Variants in RANBP17 observed in about 807,000 individuals in gnomAD.
The protein encoded by RANBP17 is ran-binding protein 17.
In RANBP17, 158 loss-of-function variants were observed where a neutral mutation model predicts 141.2. That is an observed-to-expected ratio of 1.12 (90% CI 0.98 to 1.28). The LOEUF is 1.28. RANBP17 is among the 50% of genes most tolerant of loss of function. The pLI, the probability that RANBP17 is intolerant of heterozygous loss-of-function variation, is 0.00. For synonymous variants in RANBP17, 430 were observed against 450.0 expected (o/e 0.96, Z 0.56); for missense variants, 1,438 against 1,290.7 (o/e 1.11, Z -1.75).
In RANBP17 at chr5:171,199,691, A is replaced by C. The variant is rs1331863665; in HGVS notation, c.2060A>C (p.Glu687Ala). 1.2e-6 allele frequency: 2 copies of C among 1,609,062 alleles called. No homozygotes were observed. Among genetic ancestry groups the C allele is most frequent in the South Asian group, 2.2e-5 (2 of 90,226 alleles). The change falls in exon 19 of 28, where the codon GAG (glutamate) becomes GCG (alanine). Residue 687 changes from glutamate (E) to alanine (A), a missense_variant. Transcript: ENST00000523189. ...VDLGEDEDEF[E>A]NFMLPLTVAF... ...ATAGGTGAAGATGAGGATGAATTTGAGAATTTCATGCTGCCTCTTACAGTT... is the reference window on the plus strand; with the variant it reads ...ATAGGTGAAGATGAGGATGAATTTGCGAATTTCATGCTGCCTCTTACAGTT...
chr5:170,925,729 G>GT (rs1454190907), intron 12 of RANBP17, among the ~76,000 whole-genome samples: 1 of 152,010 alleles, frequency 6.6e-6, no homozygotes, highest in Non-Finnish European at 1.5e-5. Context: ...ATTACCACAT[G>GT]TGTATGCATT....
rs376028120 is a variant in RANBP17 at position 170,876,081 on chromosome 5, C to T, written c.19-2016C>T. Among the ~76,000 whole-genome samples, 5 of 152,292 alleles carry T rather than the reference C, an allele frequency of 3.3e-5. No homozygotes were observed. In the East Asian group the frequency reaches 7.7e-4, roughly 24 times the overall value. On this transcript the variant is annotated intron_variant, in intron 1 of 27. Coordinates refer to ENST00000523189, the MANE Select transcript of RANBP17 (RefSeq NM_022897.5). ...TCACTCCTGCACCTGGAGATGTCAC[C>T]TGAGGAGGCTGGAGAACGGCAGAGA...
chr5:170,902,129 T>G (rs938271641), intron 5 of RANBP17, among the ~76,000 whole-genome samples: 3 of 152,202 alleles, frequency 2.0e-5, no homozygotes, highest in African/African-American at 7.2e-5. Context: ...CCAACTTGGT[T>G]CCATTCTCCC....
chr5:170,968,191 TTCTC>T, intron 13 of RANBP17, 47 bp from the exon 14 acceptor site: 1 of 1,310,376 alleles, frequency 7.6e-7, no homozygotes, highest in Non-Finnish European at 1.0e-6. Flanking sequence ...TTAATGTTGT[TTCTC>T]TAAGGTTTTG....
At chr5:171,289,770 C>T (rs1768375470) in intron 25 of RANBP17, among the ~76,000 whole-genome samples, 1 of 152,116 alleles carries the variant, frequency 6.6e-6, no homozygotes, top group South Asian at 2.1e-4. Flanking sequence ...TGGCTCACGC[C>T]TGTAATCCCA....
intron 18 of RANBP17, among the ~76,000 whole-genome samples, chr5:171,195,836 C>T (rs1427077155): frequency 6.6e-6 from 1 of 152,160 alleles, no homozygotes; most frequent in Non-Finnish European, 1.5e-5. Flanking sequence ...AATCGTACAA[C>T]TTCATGAGAT....
chr5:171,014,000 A>G (rs1780258634), intron 14 of RANBP17, among the ~76,000 whole-genome samples: 2 of 152,180 alleles, frequency 1.3e-5, no homozygotes, highest in South Asian at 2.1e-4. Flanking sequence ...TTCACTTTAT[A>G]TATTTTGAAA....
At chr5:171,129,905 A>G (rs1024711448) in intron 14 of RANBP17, among the ~76,000 whole-genome samples, 8 of 152,188 alleles carry the variant, frequency 5.3e-5, no homozygotes, top group African/African-American at 1.9e-4. Context: ...AATCATATGA[A>G]TAGTATTAGA....
intron 14 of RANBP17, among the ~76,000 whole-genome samples, chr5:171,090,488 A>G (rs1786165939): frequency 6.6e-6 from 1 of 152,202 alleles, no homozygotes; most frequent in South Asian, 2.1e-4. Flanking sequence ...TTGCAGCCTG[A>G]CAATGTGTTA....
chr5:171,234,077 C>A lies in RANBP17; in HGVS notation c.2423-6851C>A, dbSNP rs376631276. 3.3e-5 allele frequency among the ~76,000 whole-genome samples: 5 copies of A among 151,710 alleles called. No individual in the cohort carries two copies. In the East Asian group the frequency reaches 5.8e-4, roughly 18 times the overall value. Reference sequence around the variant, plus strand: ...TAAAAAAAAAAAAAAAATACACACACACATCTTAAGTACCAGGGATTTAGG... The same window carrying A: ...TAAAAAAAAAAAAAAAATACACACAAACATCTTAAGTACCAGGGATTTAGG... On this transcript the variant is annotated intron_variant, in intron 22 of 27. Transcript: ENST00000523189.
intron 25 of RANBP17, among the ~76,000 whole-genome samples, chr5:171,270,995 A>AC (rs1767064418): frequency 6.7e-6 from 1 of 149,178 alleles, no homozygotes; most frequent in South Asian, 2.1e-4. Context: ...AATCAACTGT[A>AC]CTGAAATCCA....
intron 20 of RANBP17, among the ~76,000 whole-genome samples, chr5:171,212,589 A>G (rs1008554730): frequency 3.3e-5 from 5 of 152,164 alleles, no homozygotes; most frequent in African/African-American, 1.2e-4. Context: ...CGGAGTTTGA[A>G]ATTTATTCTA....
intron 14 of RANBP17, among the ~76,000 whole-genome samples, chr5:171,090,771 C>T (rs1318308938): frequency 7.2e-5 from 11 of 152,176 alleles, no homozygotes; most frequent in Non-Finnish European, 1.5e-4. Context: ...CAAGGTACAG[C>T]CCGGGCTGTT....
At chr5:171,190,457 T>C (rs1341903583) in intron 18 of RANBP17, among the ~76,000 whole-genome samples, 1 of 152,162 alleles carries the variant, frequency 6.6e-6, no homozygotes, top group Non-Finnish European at 1.5e-5. Flanking sequence ...TCAAAACATG[T>C]GAGAGATGTT....
chr5:170,918,480 T>A (rs973760068), intron 9 of RANBP17, among the ~76,000 whole-genome samples: 5 of 152,094 alleles, frequency 3.3e-5, no homozygotes, highest in East Asian at 3.9e-4. Context: ...GTCATTGTGA[T>A]GCAGATCTTC....
intron 14 of RANBP17, chr5:171,143,511 A>AT (rs1757840026): frequency 6.6e-6 from 1 of 152,084 alleles, no homozygotes; most frequent in Non-Finnish European, 1.5e-5. Flanking sequence ...CTTTAAAAAA[A>AT]TTTTTTTCAC....
At chr5:171,091,479 G>A (rs1786273600) in intron 14 of RANBP17, among the ~76,000 whole-genome samples, 1 of 152,180 alleles carries the variant, frequency 6.6e-6, no homozygotes, top group African/African-American at 2.4e-5. Context: ...TTGGACTGTG[G>A]GCTTTTGAGT....
At chr5:171,089,235 G>T (rs1385914557) in intron 14 of RANBP17, among the ~76,000 whole-genome samples, 7 of 111,892 alleles carry the variant, frequency 6.3e-5, no homozygotes, top group Non-Finnish European at 1.2e-4. Context: ...GTGTCAGTGT[G>T]CCCCTGCTGG....
intron 24 of RANBP17, among the ~76,000 whole-genome samples, chr5:171,256,159 G>T (rs1347001521): frequency 6.6e-6 from 1 of 152,128 alleles, no homozygotes; most frequent in South Asian, 2.1e-4. Flanking sequence ...ATTCTATCAT[G>T]AGGTATTTGA....
Sources: gnomAD v4.1 joint callset for allele counts (sites outside exome capture counted in the v4.1 genomes callset) on GRCh38, gnomAD v4.1.1 for gene constraint, MANE v1.5 for transcripts, NCBI Gene and HGNC (gene_info 2026-07-23, HGNC 2026-07-21) for gene names.